DDX39A: variants seen among roughly 807,000 people sequenced by gnomAD.
DDX39A encodes DExD-box helicase 39A, also known as ATP-dependent RNA helicase DDX39A.
A neutral mutation model predicts 46.3 loss-of-function variants in DDX39A; 13 were observed. The ratio of observed to expected loss-of-function variants is 0.28; its 90% CI spans 0.18 to 0.45. DDX39A has a LOEUF of 0.45. Among genes scored for constraint, DDX39A ranks in the 20% least tolerant of loss-of-function variants. DDX39A has a pLI of 1.00. For missense variants in DDX39A, 352 were observed against 581.8 expected (o/e 0.61, Z 4.06); for synonymous variants, 234 against 224.6 (o/e 1.04, Z -0.38).
rs61406319 is a variant in DDX39A, at chr19:14,409,375, C to T, written c.1047G>A (p.Gly349=). 3.1e-3 allele frequency: 5,071 copies of T among 1,614,212 alleles called. 128 individuals are homozygous for T. In the African/African-American group the frequency reaches 0.053, roughly 17 times the overall value. ...CGATGTTGACTCGCTCGATGTCCATCCCCCGGCCAAACAGATTGGTGGCCA... is the reference window on the plus strand; with the variant it reads ...CGATGTTGACTCGCTCGATGTCCATTCCCCGGCCAAACAGATTGGTGGCCA... ...ILVATNLFGR[G]MDIERVNIVF... Residue 349 remains glycine, a synonymous_variant, in exon 9 of 11, where the codon GGG becomes GGA. Coordinates refer to ENST00000242776, the MANE Select transcript of DDX39A (RefSeq NM_005804.4). This position sits in a 1 kb window ranked among gnomAD's most constrained non-coding sequence, Gnocchi z 8.3.
chr19:14,413,234 G>GA lies in DDX39A; in HGVS notation c.-4-11dup. ...CTGTTCTGCCATGATGCTGAGAAGA[G>GA]AGAGAGGCAGGGTCCCGCGAGTGGG... On this transcript the variant is annotated splice_polypyrimidine_tract_variant and intron_variant, in intron 1 of 10. Coordinates refer to ENST00000242776, the MANE Select transcript of DDX39A (RefSeq NM_005804.4). The GA allele has an allele frequency of 6.2e-7, 1 of 1,611,722 alleles. No individual in the cohort carries two copies. The highest frequency in any genetic ancestry group is 2.2e-5 in the East Asian group (1 of 44,852).
At chr19:14,413,251 G>A (rs200484404) in intron 1 of DDX39A, 27 bp from the exon 2 acceptor site, 32 of 1,593,804 alleles carry the variant, frequency 2.0e-5, no homozygotes, top group East Asian at 1.1e-4. Flanking sequence ...GCAGGGTCCC[G>A]CGAGTGGGCA....
At chr19:14,417,723 G>A (rs117834942) in intron 1 of DDX39A, among the ~76,000 whole-genome samples, 19 of 152,256 alleles carry the variant, frequency 1.2e-4, no homozygotes, top group East Asian at 1.9e-4. Flanking sequence ...AAATTAGCCC[G>A]GTGTGGTGGC....
chr19:14,412,828 C>A lies in DDX39A; in HGVS notation c.209-150G>T, dbSNP rs948840056. On this transcript the variant is annotated intron_variant, in intron 2 of 10. Transcript: ENST00000242776. This position sits in a 1 kb window ranked among gnomAD's most constrained non-coding sequence, Gnocchi z 4.4. ...ACACCTGCAGGGCTGGGGTATCCGC[C>A]TGGTCAAAGCAGAACGCCCCACTGC... 74 of 1,295,688 alleles carry A rather than the reference C, an allele frequency of 5.7e-5. No individual in the cohort carries two copies. Among genetic ancestry groups the A allele is most frequent in the Non-Finnish European group, 7.6e-5 (73 of 955,328 alleles). 80.3% of individuals were successfully genotyped at this position (1,295,688 alleles called of 1,614,324 possible). A position where few individuals can be genotyped will look rare whatever the true frequency, so the allele number is the denominator to read the frequency against.
At chr19:14,419,145 C>T (rs1976945414) in intron 1 of DDX39A, 125 bp downstream of exon 1, 3 of 355,522 alleles carry the variant, frequency 8.4e-6, no homozygotes, top group Non-Finnish European at 1.7e-5. Flanking sequence ...CACCAACCGC[C>T]CCGCCCCCAC....
In DDX39A at chr19:14,409,882, G is replaced by C; in HGVS notation, c.733-9C>G. ...ACAAACACCTCCATGGGCTGTGTGGGAAGGGAGGTGGGAGGGGCGGGCAGG... is the reference window on the plus strand; with the variant it reads ...ACAAACACCTCCATGGGCTGTGTGGCAAGGGAGGTGGGAGGGGCGGGCAGG... On this transcript the variant is annotated splice_polypyrimidine_tract_variant and intron_variant, in intron 6 of 10. Coordinates refer to ENST00000242776, the MANE Select transcript of DDX39A (RefSeq NM_005804.4). The surrounding 1 kb of genome is among the most constrained non-coding windows in gnomAD (Gnocchi z 8.3). The C allele has an allele frequency of 6.2e-7, 1 of 1,613,492 alleles. No homozygotes were observed. The highest frequency in any genetic ancestry group is 8.5e-7 in the Non-Finnish European group (1 of 1,179,852).
In DDX39A at chr19:14,412,790, G is replaced by A; in HGVS notation, c.209-112C>T. 6.9e-7 allele frequency: 1 copy of A among 1,446,026 alleles called. No homozygotes were observed. The highest frequency in any genetic ancestry group is 9.3e-7 in the Non-Finnish European group (1 of 1,076,340). The allele number at this position is 1,446,026 out of a possible 1,614,324, so 89.6% of individuals were successfully genotyped here. On this transcript the variant is annotated intron_variant, in intron 2 of 10. Coordinates refer to ENST00000242776, the MANE Select transcript of DDX39A (RefSeq NM_005804.4). The surrounding 1 kb of genome is among the most constrained non-coding windows in gnomAD (Gnocchi z 4.4). ...GGGCAATCAGAAGAGGCCGAGTCCG[G>A]ACAAGGCCACAGACACCTGCAGGGC...
At position 14,413,133 on chromosome 19, in the gene DDX39A, G is replaced by C; in HGVS notation, c.88C>G (p.Pro30Ala). Residue 30 changes from proline (P) to alanine (A), a missense_variant, in exon 2 of 11, where the codon CCT (proline) becomes GCT (alanine). Around this residue, in one of 3 missense-constraint regions of DDX39A, gnomAD observed 46 missense variants for 78.2 expected, o/e 0.59. Coordinates refer to ENST00000242776, the MANE Select transcript of DDX39A (RefSeq NM_005804.4). ...QAPQESTPAP[P>A]KKDIKGSYVS... Reference sequence around the variant, plus strand: ...TAGGATCCCTTGATGTCTTTCTTAGGGGGAGCTGGTGTGCTCTCTTGAGGA... The same window carrying C: ...TAGGATCCCTTGATGTCTTTCTTAGCGGGAGCTGGTGTGCTCTCTTGAGGA... 1.2e-6 allele frequency: 2 copies of C among 1,614,122 alleles called. No homozygotes were observed. Among genetic ancestry groups the C allele is most frequent in the South Asian group, 1.1e-5 (1 of 91,084 alleles).
chr19:14,417,131 A>G (rs1241976749), intron 1 of DDX39A, among the ~76,000 whole-genome samples: 1 of 152,188 alleles, frequency 6.6e-6, no homozygotes, highest in South Asian at 2.1e-4. Context: ...ACCAGTCACC[A>G]AATAAAAGAG....
intron 1 of DDX39A, among the ~76,000 whole-genome samples, chr19:14,416,764 G>T (rs978294044): frequency 6.6e-6 from 1 of 152,156 alleles, no homozygotes; most frequent in African/African-American, 2.4e-5. Flanking sequence ...ATAGCTCACT[G>T]GAGCCTCGAC....
rs1317144511 is a variant in DDX39A, at chr19:14,409,611, A to G, written c.899T>C (p.Met300Thr). The change falls in exon 8 of 11, where the codon ATG becomes ACG. Residue 300 changes from methionine (M) to threonine (T), a missense_variant. Physicochemically the swap from Met to Thr is moderately conservative, Grantham distance 81 (BLOSUM62 -1). Transcript: ENST00000242776. This position sits in a 1 kb window ranked among gnomAD's most constrained non-coding sequence, Gnocchi z 8.3. Reference sequence around the variant, plus strand: ...CTCCACGAGGAGCTGGGCCAGGGCCATGCAGCGCTGCACTGACTTGACGAA... The same window carrying G: ...CTCCACGAGGAGCTGGGCCAGGGCCGTGCAGCGCTGCACTGACTTGACGAA... The part of the protein sequence containing the change: ...IIFVKSVQRC[M>T]ALAQLLVEQN... 8 of 1,612,216 alleles carry G rather than the reference A, an allele frequency of 5.0e-6. No individual in the cohort carries two copies. The East Asian group carries it at 1.6e-4, about 31-fold the overall frequency.
rs143197501 is a variant in DDX39A at position 14,413,578 on chromosome 19, G to T, written c.-4-354C>A. ...TTGTTCAGCTGCTCAGACCCCTGGAGCCCCTGCCCCAAGCCTTTGAACCTG... is the reference window on the plus strand; with the variant it reads ...TTGTTCAGCTGCTCAGACCCCTGGATCCCCTGCCCCAAGCCTTTGAACCTG... On this transcript the variant is annotated intron_variant, in intron 1 of 10. Coordinates refer to ENST00000242776, the MANE Select transcript of DDX39A (RefSeq NM_005804.4). 3.2e-4 allele frequency among the ~76,000 whole-genome samples: 48 copies of T among 152,252 alleles called. 1 individual carries two copies. The highest frequency in any genetic ancestry group is 1.1e-3 in the African/African-American group (45 of 41,544).
Position 14,412,353 on chromosome 19 carries a change from G to A in DDX39A, c.336+198C>T, listed in dbSNP as rs576870516. 18 of 561,116 alleles carry A rather than the reference G, an allele frequency of 3.2e-5. No individual in the cohort carries two copies. Among genetic ancestry groups the A allele is most frequent in the Non-Finnish European group, 5.0e-5 (17 of 338,168 alleles). 34.8% of individuals were successfully genotyped at this position (561,116 alleles called of 1,614,324 possible). ...TTATAACTAATTATTTTTTGAGATGGAGTCTACCTCTGCCACCCAGGCTGG... is the reference window on the plus strand; with the variant it reads ...TTATAACTAATTATTTTTTGAGATGAAGTCTACCTCTGCCACCCAGGCTGG... On this transcript the variant is annotated intron_variant, in intron 3 of 10. Transcript: ENST00000242776. This position sits in a 1 kb window ranked among gnomAD's most constrained non-coding sequence, Gnocchi z 4.4.
rs573325105 is a variant in DDX39A at position 14,412,854 on chromosome 19, C to T, written c.208+159G>A. The stretch of plus-strand genomic sequence containing the variant: ...TGGTCAAAGCAGAACGCCCCACTGC[C>T]GAGGGCAGCCACAGGCCCCGCTGGG... On this transcript the variant is annotated intron_variant, in intron 2 of 10. Coordinates refer to ENST00000242776, the MANE Select transcript of DDX39A (RefSeq NM_005804.4). The surrounding 1 kb of genome is among the most constrained non-coding windows in gnomAD (Gnocchi z 4.4). The T allele has an allele frequency of 2.5e-5, 31 of 1,248,522 alleles. No homozygotes were observed. Among genetic ancestry groups the T allele is most frequent in the South Asian group, 8.9e-5 (6 of 67,714 alleles). 77.3% of individuals were successfully genotyped at this position (1,248,522 alleles called of 1,614,324 possible).
In DDX39A at chr19:14,411,790, T is replaced by C. The variant is rs946614321; in HGVS notation, c.337-192A>G. ...ACTCCCTATACCCTCCCACAGCTAT[T>C]GAAACCTGTCTCCCAACACCAGGAC... is the stretch of plus-strand genomic sequence containing the variant. On this transcript the variant is annotated intron_variant, in intron 3 of 10. Coordinates refer to ENST00000242776, the MANE Select transcript of DDX39A (RefSeq NM_005804.4). This position sits in a 1 kb window ranked among gnomAD's most constrained non-coding sequence, Gnocchi z 4.1. Among the ~76,000 whole-genome samples the C allele has an allele frequency of 6.6e-6, 1 of 152,006 alleles. No individual in the cohort carries two copies. The highest frequency in any genetic ancestry group is 1.5e-5 in the Non-Finnish European group (1 of 67,990).
At chr19:14,414,652 T>G (rs1976733406) in intron 1 of DDX39A, among the ~76,000 whole-genome samples, 1 of 148,956 alleles carries the variant, frequency 6.7e-6, no homozygotes, top group African/African-American at 2.4e-5. Context: ...CCTGGCCTTA[T>G]TATTATTTTT....
intron 1 of DDX39A, among the ~76,000 whole-genome samples, chr19:14,418,681 C>G (rs1222982286): frequency 6.6e-6 from 1 of 151,938 alleles, no homozygotes; most frequent in Non-Finnish European, 1.5e-5. Flanking sequence ...AGGCTGGTCT[C>G]GAACTCCTGA....
At position 14,412,632 on chromosome 19, in the gene DDX39A, C is replaced by T. The variant is rs1265820047; in HGVS notation, c.255G>A (p.Leu85=). 2 of 1,610,184 alleles carry T rather than the reference C, an allele frequency of 1.2e-6. No individual in the cohort carries two copies. The highest frequency in any genetic ancestry group is 1.7e-6 in the Non-Finnish European group (2 of 1,180,024). Residue 85 remains leucine, a synonymous_variant, in exon 3 of 11, where the codon CTG becomes CTA. Transcript: ENST00000242776. This position sits in a 1 kb window ranked among gnomAD's most constrained non-coding sequence, Gnocchi z 4.4. The part of the protein sequence containing the change: ...IPQAILGMDV[L]CQAKSGMGKT... ...TGCCCATCCCGGACTTGGCCTGGCACAGGACGTCCATGCCCAGGATGGCCT... is the reference window on the plus strand; with the variant it reads ...TGCCCATCCCGGACTTGGCCTGGCATAGGACGTCCATGCCCAGGATGGCCT...
Position 14,412,556 on chromosome 19 carries a change from C to T in DDX39A, c.331G>A (p.Gly111Arg), listed in dbSNP as rs1399804195. 1.2e-5 allele frequency: 19 copies of T among 1,607,634 alleles called. No individual in the cohort carries two copies. The African/African-American group carries it at 1.3e-4, about 11-fold the overall frequency. Reference protein sequence around the residue: ...ATLQQIEPVNGQVTVLVMCHT... With the variant: ...ATLQQIEPVNRQVTVLVMCHT... ...GAAGGGAGGAGCCCACCCACCTGTC[C>T]GTTGACAGGCTCAATCTGCTGTAGG... Residue 111 changes from glycine (G) to arginine (R), a missense_variant, in exon 3 of 11, where the codon GGA (glycine) becomes AGA (arginine). Gly to Arg is a moderately radical substitution (Grantham distance 125). This residue lies in a region of DDX39A where 301 missense variants were observed against 469.9 expected (regional missense o/e 0.64). Transcript: ENST00000242776. The surrounding 1 kb of genome is among the most constrained non-coding windows in gnomAD (Gnocchi z 4.4).
Sources: gnomAD v4.1 joint callset for allele counts (sites outside exome capture counted in the v4.1 genomes callset) on GRCh38, gnomAD v4.1.1 for gene constraint, gnomAD v4.1.1 regional missense constraint, Gnocchi (gnomAD v3.1) non-coding constraint, MANE v1.5 for transcripts, NCBI Gene and HGNC (gene_info 2026-07-23, HGNC 2026-07-21) for gene names.